The following SAMMSON variants were observed in gnomAD, a reference collection of about 807,000 sequenced individuals.
The protein encoded by SAMMSON is long intergenic non-protein coding RNA 1212.
chr3:70,380,492 TAA>T (rs1008239868), intron 9 of SAMMSON, among the ~76,000 whole-genome samples: 1 of 152,190 alleles, frequency 6.6e-6, no homozygotes. Context: ...TCATGTGTGC[TAA>T]GTGTTCAGAA....
intron 3 of SAMMSON, among the ~76,000 whole-genome samples, chr3:70,057,587 T>C (rs2067172750): frequency 6.6e-6 from 1 of 151,998 alleles, no homozygotes; most frequent in African/African-American, 2.4e-5. Flanking sequence ...CTTTGGCTGA[T>C]TTGCTGCTGA....
intron 3 of SAMMSON, among the ~76,000 whole-genome samples, chr3:70,043,881 A>G (rs147837008): frequency 4.1e-4 from 62 of 152,052 alleles, no homozygotes; most frequent in African/African-American, 1.4e-3. Flanking sequence ...AAAATTCTAG[A>G]TTGGTGATGG....
intron 4 of SAMMSON, among the ~76,000 whole-genome samples, chr3:70,233,396 A>G (rs973633010): frequency 3.9e-5 from 6 of 152,212 alleles, no homozygotes; most frequent in Non-Finnish European, 7.3e-5. Flanking sequence ...CAATACAGGT[A>G]TCTAATATCT....
chr3:70,413,541 A>G (rs894030397), intron 2 of SAMMSON, among the ~76,000 whole-genome samples: 1 of 152,122 alleles, frequency 6.6e-6, no homozygotes, highest in African/African-American at 2.4e-5. Flanking sequence ...ATACAACATC[A>G]AATATATTAA....
chr3:70,182,836 C>T (rs1211941550), intron 4 of SAMMSON, among the ~76,000 whole-genome samples: 1 of 152,170 alleles, frequency 6.6e-6, no homozygotes, highest in Non-Finnish European at 1.5e-5. Context: ...TTGTCTTTCT[C>T]TTTCTTTGTA....
At chr3:70,142,422 G>A (rs2067531342) in intron 4 of SAMMSON, among the ~76,000 whole-genome samples, 1 of 152,144 alleles carries the variant, frequency 6.6e-6, no homozygotes, top group Non-Finnish European at 1.5e-5. Flanking sequence ...CATTCTAAGT[G>A]AAGTAACTCA....
intron 7 of SAMMSON, among the ~76,000 whole-genome samples, chr3:70,323,579 G>A (rs1332736816): frequency 1.3e-5 from 2 of 152,150 alleles, no homozygotes; most frequent in African/African-American, 4.8e-5. Flanking sequence ...TGGCAAGGCT[G>A]AACTGTTTCC....
At chr3:70,287,979 A>G (rs1432410103) in intron 6 of SAMMSON, among the ~76,000 whole-genome samples, 1 of 151,920 alleles carries the variant, frequency 6.6e-6, no homozygotes, top group Non-Finnish European at 1.5e-5. Context: ...CTAGCAGTCT[A>G]TCTCTTTTGT....
chr3:70,375,373 G>A (rs918329539), intron 9 of SAMMSON, among the ~76,000 whole-genome samples: 1 of 144,070 alleles, frequency 6.9e-6, no homozygotes, highest in African/African-American at 2.5e-5. Context: ...TATGATGTGT[G>A]TTTTTCATCT....
intron 6 of SAMMSON, among the ~76,000 whole-genome samples, chr3:70,253,406 T>G (rs1212482558): frequency 6.6e-6 from 1 of 152,142 alleles, no homozygotes; most frequent in East Asian, 1.9e-4. Context: ...TGAAGAGTTG[T>G]AGAATACCAG....
At chr3:70,172,048 GCTAAACAA>G in intron 4 of SAMMSON, among the ~76,000 whole-genome samples, 1 of 151,996 alleles carries the variant, frequency 6.6e-6, no homozygotes, top group African/African-American at 2.4e-5. Context: ...GGGAGAATCT[GCTAAACAA>G]CAATGATTTA....
At chr3:70,288,364 C>T (rs374847864) in intron 6 of SAMMSON, among the ~76,000 whole-genome samples, 110 of 133,042 alleles carry the variant, frequency 8.3e-4, no homozygotes, top group Non-Finnish European at 1.3e-3. Context: ...TGTAGTTGAG[C>T]GGTTTTGAGT....
At chr3:70,043,609 A>G (rs919386398) in intron 3 of SAMMSON, among the ~76,000 whole-genome samples, 1 of 151,980 alleles carries the variant, frequency 6.6e-6, no homozygotes, top group Non-Finnish European at 1.5e-5. Flanking sequence ...TTTTTTCTCT[A>G]ATTATAAAGT....
intron 3 of SAMMSON, among the ~76,000 whole-genome samples, chr3:70,033,829 G>C (rs2067074688): frequency 6.6e-6 from 1 of 152,142 alleles, no homozygotes; most frequent in African/African-American, 2.4e-5. Flanking sequence ...TAGCTTTTTA[G>C]CTTGGGAGAT....
chr3:70,054,054 A>G (rs1289417342), intron 3 of SAMMSON, among the ~76,000 whole-genome samples: 5 of 152,150 alleles, frequency 3.3e-5, no homozygotes, highest in Non-Finnish European at 7.4e-5. Context: ...CTGGTTGGCA[A>G]ACACTTACCA....
intron 2 of SAMMSON, among the ~76,000 whole-genome samples, chr3:70,422,590 C>A (rs563438155): frequency 6.6e-6 from 1 of 152,002 alleles, no homozygotes; most frequent in Admixed American, 6.5e-5. Flanking sequence ...TTGTAAACAT[C>A]TAAAAAAATT....
intron 3 of SAMMSON, among the ~76,000 whole-genome samples, chr3:70,023,310 A>C (rs1456216151): frequency 6.6e-6 from 1 of 151,782 alleles, no homozygotes; most frequent in Admixed American, 6.6e-5. Flanking sequence ...CAAAAAAAAA[A>C]ATTAGCCAGG....
chr3:70,073,148 TG>T (rs1179402137), intron 4 of SAMMSON, among the ~76,000 whole-genome samples: 1 of 151,970 alleles, frequency 6.6e-6, no homozygotes, highest in Non-Finnish European at 1.5e-5. Flanking sequence ...GGGACTCCAG[TG>T]GCCTTACTTA....
chr3:70,432,396 A>AAT lies in SAMMSON; in HGVS notation n.234-30148_234-30147dup, dbSNP rs140750936. ...ATATCTAGATGCAATTCATTTGTCA[A>AAT]ATATATATATATATATACTATCAAA... On this transcript the variant is annotated intron_variant and non_coding_transcript_variant, in intron 2 of 3. Coordinates refer to the SAMMSON transcript ENST00000641053. 7.1e-3 allele frequency among the ~76,000 whole-genome samples: 1,043 copies of AAT among 147,706 alleles called. 5 individuals carry two copies. The highest frequency in any genetic ancestry group is 0.018 in the African/African-American group (723 of 40,600).
Sources: gnomAD v4.1 joint callset for allele counts (sites outside exome capture counted in the v4.1 genomes callset) on GRCh38, gnomAD v4.1.1 for gene constraint, MANE v1.5 for transcripts, NCBI Gene and HGNC (gene_info 2026-07-23, HGNC 2026-07-21) for gene names.